Variants in UQCC1 observed in about 807,000 individuals in gnomAD.
UQCC1 encodes the protein bFGF-repressed Zic-binding protein.
In UQCC1, 38 loss-of-function variants were observed where a neutral mutation model predicts 48.0. The observed-to-expected ratio is 0.79, with a 90% CI of 0.61 to 1.04. The LOEUF is 1.04. UQCC1 is among the 50% of genes least tolerant of loss of function. The pLI, the probability that UQCC1 is intolerant of heterozygous loss-of-function variation, is 0.00. For synonymous variants in UQCC1, 111 were observed against 129.2 expected, an observed-to-expected ratio of 0.86 and a Z score of 0.95; for missense variants, 368 against 381.8, an observed-to-expected ratio of 0.96 and a Z score of 0.30.
Position 35,347,145 on chromosome 20 carries a change from T to C in UQCC1, c.573+19A>G. On this transcript the variant is annotated intron_variant, in intron 7 of 9. Transcript: ENST00000374385. ...TCTCTGGAATTGTCCAGGACAAGCATCTGACAGCACTCACTTACCCCCATG... is the reference window on the plus strand; with the variant it reads ...TCTCTGGAATTGTCCAGGACAAGCACCTGACAGCACTCACTTACCCCCATG... 1 of 1,614,170 alleles carries C rather than the reference T, an allele frequency of 6.2e-7. No individual in the cohort carries two copies. Among genetic ancestry groups the C allele is most frequent in the Non-Finnish European group, 8.5e-7 (1 of 1,180,022 alleles).
At chr20:35,379,233 A>G (rs1434654292) in intron 4 of UQCC1, among the ~76,000 whole-genome samples, 2 of 152,252 alleles carry the variant, frequency 1.3e-5, no homozygotes, top group Non-Finnish European at 2.9e-5. Flanking sequence ...ATTATCAAAC[A>G]TGGGAATAAC....
intron 7 of UQCC1, among the ~76,000 whole-genome samples, chr20:35,338,466 C>T (rs2061337157): frequency 6.6e-6 from 1 of 152,050 alleles, no homozygotes; most frequent in Non-Finnish European, 1.5e-5. Flanking sequence ...AGCTGTATGA[C>T]CTTGGCCAAA....
chr20:35,333,812 G>A (rs1254556838), intron 7 of UQCC1, among the ~76,000 whole-genome samples: 4 of 151,560 alleles, frequency 2.6e-5, no homozygotes, highest in Admixed American at 6.6e-5. Context: ...TGGCTGCAAC[G>A]TTCTCTGATG....
At position 35,303,923 on chromosome 20, in the gene UQCC1, GGGCCCA is replaced by G. The variant is rs2060897936; in HGVS notation, c.*6_*11del. The G allele has an allele frequency of 1.2e-6, 2 of 1,614,050 alleles. No individual in the cohort carries two copies. The highest frequency in any genetic ancestry group is 2.2e-5 in the South Asian group (2 of 91,088). On this transcript the variant is annotated 3_prime_UTR_variant, in exon 10 of 10. Transcript: ENST00000374385. Reference sequence around the variant, plus strand: ...GAAGCCAGCTGGCGGGCCGTGCGGAGGGCCCAGCCCATCAAAGTCCCTCGTCGTTGT... The same window carrying G: ...GAAGCCAGCTGGCGGGCCGTGCGGAGGCCCATCAAAGTCCCTCGTCGTTGT...
In UQCC1 at chr20:35,338,777, G is replaced by A. The variant is rs553245792; in HGVS notation, c.573+8387C>T. Among the ~76,000 whole-genome samples the A allele has an allele frequency of 7.6e-4, 111 of 146,354 alleles. 1 individual carries two copies. The highest frequency in any genetic ancestry group is 2.7e-3 in the Admixed American group (39 of 14,508). On this transcript the variant is annotated intron_variant, in intron 7 of 9. Transcript: ENST00000374385. ...GAAGAATCGCTTGAACCCGGGAGGT[G>A]GAGGTTGCAGTGAGCTGAGACCACA...
chr20:35,306,394 G>T, intron 9 of UQCC1: 1 of 420,320 alleles, frequency 2.4e-6, no homozygotes, highest in Non-Finnish European at 4.5e-6. Flanking sequence ...AGTAGGCAAT[G>T]AGGTGCACAG....
intron 7 of UQCC1, among the ~76,000 whole-genome samples, chr20:35,325,521 T>C (rs1054759094): frequency 6.6e-6 from 1 of 152,172 alleles, no homozygotes; most frequent in Non-Finnish European, 1.5e-5. Context: ...CTATAAACGG[T>C]CTTGGTACAG....
intron 2 of UQCC1, among the ~76,000 whole-genome samples, chr20:35,388,308 T>TTTTTTTTTG (rs67663221): frequency 0.44 from 53,131 of 120,638 alleles, 13,622 homozygotes; most frequent in African/African-American, 0.59. Context: ...TCTTTTTTTT[T>TTTTTTTTTG]GAGACAGGGT....
chr20:35,384,920 T>C (rs1458053633), intron 2 of UQCC1, among the ~76,000 whole-genome samples: 1 of 122,652 alleles, frequency 8.2e-6, no homozygotes, highest in Admixed American at 1.1e-4. Flanking sequence ...TGAACCAATA[T>C]CATGCCACTG....
intron 2 of UQCC1, among the ~76,000 whole-genome samples, chr20:35,384,966 C>CA (rs57141083): frequency 0.036 from 2,499 of 69,714 alleles, 129 homozygotes; most frequent in African/African-American, 0.043. Flanking sequence ...GAATCGGTCT[C>CA]AAAAAAAAAA....
intron 7 of UQCC1, among the ~76,000 whole-genome samples, chr20:35,340,636 CA>C (rs956930585): frequency 6.6e-6 from 1 of 152,210 alleles, no homozygotes; most frequent in Non-Finnish European, 1.5e-5. Flanking sequence ...AGGCATGTGC[CA>C]CCATAACCGG....
At chr20:35,369,537 T>C (rs891361534) in intron 5 of UQCC1, among the ~76,000 whole-genome samples, 2 of 152,248 alleles carry the variant, frequency 1.3e-5, no homozygotes, top group African/African-American at 2.4e-5. Context: ...GGTGGCAGCA[T>C]AACACAGTTG....
At chr20:35,400,397 T>A (rs996527170) in intron 1 of UQCC1, among the ~76,000 whole-genome samples, 1 of 152,152 alleles carries the variant, frequency 6.6e-6, no homozygotes. Context: ...ATGGCAAAAA[T>A]TATTCCTTTA....
At position 35,400,204 on chromosome 20, in the gene UQCC1, G is replaced by A. The variant is rs996915748; in HGVS notation, c.25-6008C>T. ...GCTTCCCAAAGTGCTGGGATTACAG[G>A]CATGAGCCACCGTGTCGACCTCTAC... On this transcript the variant is annotated intron_variant, in intron 1 of 9. Coordinates refer to ENST00000374385, the MANE Select transcript of UQCC1 (RefSeq NM_018244.5). Among the ~76,000 whole-genome samples, 28 of 152,118 alleles carry A rather than the reference G, an allele frequency of 1.8e-4. 1 individual carries two copies. The highest frequency in any genetic ancestry group is 6.5e-4 in the African/African-American group (27 of 41,528).
chr20:35,324,841 G>A (rs544374561), intron 7 of UQCC1, among the ~76,000 whole-genome samples: 211 of 152,270 alleles, frequency 1.4e-3, no homozygotes, highest in African/African-American at 4.6e-3. Context: ...CTAACTATAT[G>A]TCCAAAAGAA....
intron 8 of UQCC1, among the ~76,000 whole-genome samples, chr20:35,311,481 T>G (rs1162912479): frequency 6.6e-6 from 1 of 152,214 alleles, no homozygotes; most frequent in African/African-American, 2.4e-5. Flanking sequence ...TCCATTTTAT[T>G]TAATTAATTT....
At chr20:35,330,153 T>A (rs2061240754) in intron 7 of UQCC1, among the ~76,000 whole-genome samples, 1 of 152,228 alleles carries the variant, frequency 6.6e-6, no homozygotes, top group Middle Eastern at 3.2e-3. Context: ...AGGTCTTTGA[T>A]TGGAGGCTTT....
intron 2 of UQCC1, among the ~76,000 whole-genome samples, chr20:35,387,935 T>A: frequency 6.6e-6 from 1 of 152,134 alleles, no homozygotes. Context: ...ACCTACATGC[T>A]TGGTGTTTTA....
At chr20:35,370,814 A>AT (rs1338309253) in intron 5 of UQCC1, among the ~76,000 whole-genome samples, 1 of 152,252 alleles carries the variant, frequency 6.6e-6, no homozygotes, top group Admixed American at 6.5e-5. Flanking sequence ...ATTAAAATGA[A>AT]TTACATTTTC....
Sources: allele counts gnomAD v4.1 joint callset (sites outside exome capture counted in the v4.1 genomes callset), GRCh38; gene constraint gnomAD v4.1.1; transcripts MANE v1.5; gene names NCBI Gene and HGNC (gene_info 2026-07-23, HGNC 2026-07-21).